Variants in NRXN3 observed in about 807,000 individuals in gnomAD.
NRXN3 encodes neurexin 3, also known as neurexin III.
Under a neutral mutation model 137.6 loss-of-function variants are expected in NRXN3, and 32 were observed. That is an observed-to-expected ratio of 0.23 (90% CI 0.18 to 0.31). The LOEUF is 0.31. NRXN3 is among the 10% of genes least tolerant of loss of function. The pLI, the probability that NRXN3 is intolerant of heterozygous loss-of-function variation, is 1.00. For synonymous variants in NRXN3, 798 were observed against 784.5 expected (o/e 1.02, Z -0.29); for missense variants, 1,574 against 2,062.5 (o/e 0.76, Z 4.59).
At chr14:78,814,673 G>A (rs2153107269) in intron 10 of NRXN3, among the ~76,000 whole-genome samples, 1 of 152,258 alleles carries the variant, frequency 6.6e-6, no homozygotes, top group East Asian at 1.9e-4. Flanking sequence ...AGAATTTCTG[G>A]AGGAAATGTC....
At chr14:79,540,557 G>A (rs1283072580) in intron 16 of NRXN3, among the ~76,000 whole-genome samples, 1 of 152,148 alleles carries the variant, frequency 6.6e-6, no homozygotes, top group Non-Finnish European at 1.5e-5. Context: ...TGTACCTGTT[G>A]ACCAATCATG....
chr14:79,259,232 A>C (rs2077195510), intron 15 of NRXN3, among the ~76,000 whole-genome samples: 1 of 152,178 alleles, frequency 6.6e-6, no homozygotes, highest in African/African-American at 2.4e-5. Flanking sequence ...TCGTGATGTT[A>C]AATAAAGAAC....
At chr14:78,263,185 G>A (rs538358460) in intron 2 of NRXN3, among the ~76,000 whole-genome samples, 6 of 152,100 alleles carry the variant, frequency 3.9e-5, no homozygotes, top group African/African-American at 1.2e-4. Context: ...AATACAGTTA[G>A]CCAATGTTAG....
At chr14:79,308,886 T>C in intron 15 of NRXN3, among the ~76,000 whole-genome samples, 1 of 138,870 alleles carries the variant, frequency 7.2e-6, no homozygotes, top group Admixed American at 7.1e-5. Flanking sequence ...TTTTATTTTA[T>C]TTTATTTTTT....
intron 4 of NRXN3, among the ~76,000 whole-genome samples, chr14:78,377,053 T>C (rs542157976): frequency 1.3e-5 from 2 of 152,216 alleles, no homozygotes; most frequent in Non-Finnish European, 2.9e-5. Context: ...AAAGAAATAG[T>C]AGACTTAAGC....
intron 19 of NRXN3, among the ~76,000 whole-genome samples, chr14:79,804,523 C>T (rs1479107088): frequency 2.0e-5 from 3 of 152,180 alleles, no homozygotes; most frequent in Non-Finnish European, 4.4e-5. Flanking sequence ...TATCATGCTA[C>T]TGGTCTACAT....
chr14:79,032,716 C>T (rs553580802), intron 15 of NRXN3, among the ~76,000 whole-genome samples: 72 of 152,302 alleles, frequency 4.7e-4, no homozygotes, highest in African/African-American at 1.7e-3. Flanking sequence ...TTGGTTAAAA[C>T]TAGTCAATGA....
chr14:79,601,554 C>T (rs932858132), intron 16 of NRXN3, among the ~76,000 whole-genome samples: 3 of 152,102 alleles, frequency 2.0e-5, no homozygotes, highest in Non-Finnish European at 4.4e-5. Context: ...ATCTCTGTGC[C>T]TGAACAAGCC....
intron 4 of NRXN3, among the ~76,000 whole-genome samples, chr14:78,637,182 CTA>C (rs990288449): frequency 7.2e-5 from 11 of 152,122 alleles, no homozygotes; most frequent in Admixed American, 2.6e-4. Flanking sequence ...CATCTTGAGC[CTA>C]TACATGTGTC....
At chr14:79,435,535 T>A (rs2095831670) in intron 15 of NRXN3, among the ~76,000 whole-genome samples, 1 of 151,722 alleles carries the variant, frequency 6.6e-6, no homozygotes, top group African/African-American at 2.4e-5. Context: ...ATATTGAACC[T>A]GGCAATGAAT....
chr14:78,401,577 G>T (rs1228761842), intron 4 of NRXN3, among the ~76,000 whole-genome samples: 4 of 152,100 alleles, frequency 2.6e-5, no homozygotes, highest in Non-Finnish European at 2.9e-5. Flanking sequence ...GGCACTAGTT[G>T]GGTCCCAAAA....
At chr14:79,449,765 G>A (rs932140906) in intron 15 of NRXN3, among the ~76,000 whole-genome samples, 3 of 152,042 alleles carry the variant, frequency 2.0e-5, no homozygotes, top group South Asian at 2.1e-4. Context: ...CGAGGCGGGC[G>A]GATCACCTGA....
intron 19 of NRXN3, among the ~76,000 whole-genome samples, chr14:79,793,480 G>C (rs370365845): frequency 7.2e-5 from 11 of 152,274 alleles, no homozygotes; most frequent in African/African-American, 2.6e-4. Flanking sequence ...AAGCACGAGG[G>C]ACCTGGTTTC....
intron 1 of NRXN3, among the ~76,000 whole-genome samples, chr14:78,191,707 A>C (rs971118156): frequency 2.6e-5 from 4 of 152,200 alleles, no homozygotes; most frequent in African/African-American, 9.7e-5. Context: ...TGGTGCCACC[A>C]GTGTGACTGA....
intron 15 of NRXN3, among the ~76,000 whole-genome samples, chr14:79,457,386 T>G (rs889233892): frequency 6.6e-6 from 1 of 152,198 alleles, no homozygotes; most frequent in Non-Finnish European, 1.5e-5. Context: ...GAGTGCCTGT[T>G]AGTTATTTTG....
intron 6 of NRXN3, among the ~76,000 whole-genome samples, chr14:78,654,734 T>C (rs76218620): frequency 0.021 from 3,175 of 152,338 alleles, 133 homozygotes; most frequent in African/African-American, 0.073. Flanking sequence ...CACATTTTAG[T>C]GTGTCTGTCT....
At chr14:78,488,305 T>C (rs2095601939) in intron 4 of NRXN3, among the ~76,000 whole-genome samples, 1 of 152,076 alleles carries the variant, frequency 6.6e-6, no homozygotes, top group South Asian at 2.1e-4. Flanking sequence ...ACCTATGAAT[T>C]TGGGTAGGAG....
chr14:79,377,186 A>T lies in NRXN3; in HGVS notation c.3263-90035A>T, dbSNP rs191879984. ...AACATATGTGAAAAAGTTAAGCTTC[A>T]TGTAGTATCTTAAGATGCTAAGTTT... On this transcript the variant is annotated intron_variant, in intron 15 of 20. Transcript: ENST00000335750. 2.6e-5 allele frequency among the ~76,000 whole-genome samples: 4 copies of T among 152,318 alleles called. No individual in the cohort carries two copies. The East Asian group carries it at 7.7e-4, about 29-fold the overall frequency.
At chr14:78,790,053 T>C (rs1172622781) in intron 8 of NRXN3, among the ~76,000 whole-genome samples, 1 of 152,166 alleles carries the variant, frequency 6.6e-6, no homozygotes, top group Admixed American at 6.6e-5. Flanking sequence ...ACAAATATTA[T>C]TGCAAGCAGT....
Sources: allele counts gnomAD v4.1 joint callset (sites outside exome capture counted in the v4.1 genomes callset), GRCh38; gene constraint gnomAD v4.1.1; transcripts MANE v1.5; gene names NCBI Gene and HGNC (gene_info 2026-07-23, HGNC 2026-07-21).